Variants in ASPH observed in about 807,000 individuals in gnomAD.
ASPH encodes aspartate beta-hydroxylase.
In ASPH, 100 loss-of-function variants were observed where a neutral mutation model predicts 118.4. The observed-to-expected ratio is 0.84, with a 90% CI of 0.72 to 1.00. The LOEUF is 1.00. ASPH is among the 50% of genes least tolerant of loss of function. ASPH has a pLI of 0.00. For synonymous variants in ASPH, 315 were observed against 325.6 expected, an observed-to-expected ratio of 0.97 and a Z score of 0.35; for missense variants, 920 against 919.5, an observed-to-expected ratio of 1.00 and a Z score of -0.01.
At chr8:61,531,688 TC>T (rs112535605) in intron 21 of ASPH, among the ~76,000 whole-genome samples, 3,147 of 152,154 alleles carry the variant, frequency 0.021, 107 homozygotes, top group African/African-American at 0.071. Context: ...AACCAACATG[TC>T]CCCATTTCTC....
At chr8:61,527,357 A>G (rs959945590) in intron 21 of ASPH, among the ~76,000 whole-genome samples, 4 of 152,196 alleles carry the variant, frequency 2.6e-5, no homozygotes, top group African/African-American at 9.7e-5. Context: ...ATGATTCCAC[A>G]TAAGAAGGTG....
At chr8:61,674,626 T>C (rs1246090926) in intron 3 of ASPH, among the ~76,000 whole-genome samples, 1 of 152,164 alleles carries the variant, frequency 6.6e-6, no homozygotes, top group Admixed American at 6.6e-5. Context: ...CACAGGTAAA[T>C]GGTGGGCAGA....
chr8:61,658,858 T>C (rs1815205472), intron 3 of ASPH: 1 of 152,216 alleles, frequency 6.6e-6, no homozygotes. Flanking sequence ...AGATAATTTA[T>C]TTTGTATAGT....
rs534772055 is a variant in ASPH at position 61,633,615 on chromosome 8, T to C, written c.934+68A>G. The C allele has an allele frequency of 8.5e-6, 11 of 1,297,562 alleles. No individual in the cohort carries two copies. In the East Asian group the frequency reaches 9.4e-5, roughly 11 times the overall value. 80.4% of individuals were successfully genotyped at this position (1,297,562 alleles called of 1,614,324 possible). A position where few individuals can be genotyped will look rare whatever the true frequency, so the allele number is the denominator to read the frequency against. On this transcript the variant is annotated intron_variant, in intron 13 of 24. Coordinates refer to ENST00000379454, the MANE Select transcript of ASPH (RefSeq NM_004318.4). ...ATCCTTCGTAGATTCATTATAAAGC[T>C]ATTGGTAATATTAACAGGATTTTTA...
chr8:61,646,931 C>G (rs1808339942), intron 5 of ASPH, 53 bp from the exon 6 acceptor site: 3 of 1,609,344 alleles, frequency 1.9e-6, no homozygotes, highest in Middle Eastern at 1.7e-4. Flanking sequence ...ACATGAAAGC[C>G]CCTTGTGAAG....
chr8:61,705,680 T>C (rs1189533972), intron 1 of ASPH, among the ~76,000 whole-genome samples: 3 of 152,142 alleles, frequency 2.0e-5, no homozygotes, highest in African/African-American at 7.2e-5. Context: ...TCTATCCTAA[T>C]AGGTTATTGT....
chr8:61,677,178 T>C (rs1278422493), intron 3 of ASPH, among the ~76,000 whole-genome samples: 2 of 152,194 alleles, frequency 1.3e-5, no homozygotes, highest in African/African-American at 2.4e-5. Flanking sequence ...CTAAGACCCC[T>C]TACAACTAAG....
At chr8:61,571,738 T>C (rs1436295954) in intron 16 of ASPH, among the ~76,000 whole-genome samples, 5 of 152,184 alleles carry the variant, frequency 3.3e-5, no homozygotes, top group African/African-American at 4.8e-5. Flanking sequence ...TAAGGAAAAC[T>C]TCTAAGGTAT....
chr8:61,526,326 A>G (rs1815310144), intron 21 of ASPH, among the ~76,000 whole-genome samples: 2 of 152,192 alleles, frequency 1.3e-5, no homozygotes, highest in Non-Finnish European at 2.9e-5. Context: ...TTATAACATA[A>G]CAATTTCAAT....
chr8:61,656,463 A>G (rs1453907279), intron 3 of ASPH: 1 of 152,006 alleles, frequency 6.6e-6, no homozygotes, highest in Non-Finnish European at 1.5e-5. Context: ...GCTTGAGGAA[A>G]TTTTTTCCAG....
intron 24 of ASPH, among the ~76,000 whole-genome samples, chr8:61,505,378 C>T (rs1245520959): frequency 1.3e-5 from 2 of 151,666 alleles, no homozygotes; most frequent in African/African-American, 2.4e-5. Context: ...GCCTGTAATC[C>T]CAGCTACTCA....
rs78045858 is a variant in ASPH, at chr8:61,683,383, A to C, written c.253+656T>G. Among the ~76,000 whole-genome samples the C allele has an allele frequency of 6.5e-3, 989 of 152,264 alleles. 13 individuals are homozygous for C. The highest frequency in any genetic ancestry group is 0.02 in the Middle Eastern group (6 of 294). ...GGAGAATGTGACTCCAAAAATAACA[A>C]AGAATCATTAATGTAAAAAATCATG... On this transcript the variant is annotated intron_variant, in intron 2 of 24. Coordinates refer to ENST00000379454, the MANE Select transcript of ASPH (RefSeq NM_004318.4).
Position 61,714,254 on chromosome 8 carries a change from CG to C in ASPH, c.103+14del. ...GAGGCGAGGCCCCAGATCCCCGCCC[CG>C]CAGGGCCTCTGACCTCTCCGGGCCC... On this transcript the variant is annotated intron_variant, in intron 1 of 24. Transcript: ENST00000379454. 1 of 1,489,296 alleles carries C rather than the reference CG, an allele frequency of 6.7e-7. No individual in the cohort carries two copies. The allele number at this position is 1,489,296 out of a possible 1,614,324, so 92.3% of individuals were successfully genotyped here.
intron 13 of ASPH, chr8:61,624,961 A>G (rs1852218914): frequency 2.3e-5 from 23 of 985,110 alleles, no homozygotes; most frequent in South Asian, 4.7e-5. Flanking sequence ...TGCAGGACTC[A>G]CTACATTGTA....
intron 2 of ASPH, among the ~76,000 whole-genome samples, chr8:61,682,087 G>C (rs570786830): frequency 6.6e-6 from 1 of 152,034 alleles, no homozygotes; most frequent in South Asian, 2.1e-4. Context: ...GATTAGTTCT[G>C]ATCAATCTTT....
chr8:61,604,220 AG>A (rs1308664146), intron 14 of ASPH, among the ~76,000 whole-genome samples: 1 of 152,182 alleles, frequency 6.6e-6, no homozygotes, highest in Non-Finnish European at 1.5e-5. Flanking sequence ...ACATATATGC[AG>A]AAAGGCAAAA....
At chr8:61,603,659 G>T (rs1844764769) in intron 14 of ASPH, among the ~76,000 whole-genome samples, 1 of 152,200 alleles carries the variant, frequency 6.6e-6, no homozygotes, top group Admixed American at 6.5e-5. Flanking sequence ...TGCCTCACAG[G>T]TATTATGCTA....
At chr8:61,690,029 A>C (rs760372122) in intron 1 of ASPH, among the ~76,000 whole-genome samples, 5 of 152,216 alleles carry the variant, frequency 3.3e-5, no homozygotes, top group Non-Finnish European at 7.3e-5. Context: ...GCTGAAAAAA[A>C]ATGAAATGGA....
At position 61,690,022 on chromosome 8, in the gene ASPH, G is replaced by GA. The variant is rs1485487549; in HGVS notation, c.104-5835dup. ...CAACCCCTAAAAAATCAAGCATGCT[G>GA]AAAAAAAATGAAATGGAACAAACTG... On this transcript the variant is annotated intron_variant, in intron 1 of 24. Transcript: ENST00000379454. 2.6e-5 allele frequency among the ~76,000 whole-genome samples: 4 copies of GA among 151,970 alleles called. No homozygotes were observed. In the South Asian group the frequency reaches 6.2e-4, roughly 24 times the overall value.
Sources: gnomAD v4.1 joint callset for allele counts (sites outside exome capture counted in the v4.1 genomes callset) on GRCh38, gnomAD v4.1.1 for gene constraint, MANE v1.5 for transcripts, NCBI Gene and HGNC (gene_info 2026-07-23, HGNC 2026-07-21) for gene names.